Variants in EBF1 observed in about 807,000 individuals in gnomAD.
EBF1 encodes EBF transcription factor 1, also known as transcription factor COE1.
EBF1 carries 10 observed loss-of-function variants against 68.4 expected under a neutral mutation model. That is an observed-to-expected ratio of 0.15 (90% CI 0.09 to 0.25). EBF1 has a LOEUF of 0.25. EBF1 is among the 10% of genes least tolerant of loss of function. The pLI is 1.00. For synonymous variants in EBF1, 298 were observed against 299.8 expected, an observed-to-expected ratio of 0.99 and a Z score of 0.06; for missense variants, 509 against 794.4, an observed-to-expected ratio of 0.64 and a Z score of 4.32.
chr5:158,760,308 A>G (rs1771128014), intron 10 of EBF1, among the ~76,000 whole-genome samples: 1 of 152,216 alleles, frequency 6.6e-6, no homozygotes. Flanking sequence ...CCAACGTGGC[A>G]TAAGTGTATT....
rs562841051 is a variant in EBF1, at chr5:158,797,655, G to A, written c.779-1180C>T. Among the ~76,000 whole-genome samples, 3 of 152,162 alleles carry A rather than the reference G, an allele frequency of 2.0e-5. No homozygotes were observed. In the South Asian group the frequency reaches 6.2e-4, roughly 31 times the overall value. On this transcript the variant is annotated intron_variant, in intron 8 of 15. Transcript: ENST00000313708. ...TTGCAAGAAGGAAAGAAAATATTAA[G>A]TCCAGCCCGGTGGGACCATTGCTCA...
At chr5:158,866,993 G>T (rs1796043465) in intron 6 of EBF1, among the ~76,000 whole-genome samples, 1 of 151,044 alleles carries the variant, frequency 6.6e-6, no homozygotes, top group Non-Finnish European at 1.5e-5. Flanking sequence ...GAATAAATAT[G>T]ATGCATAATT....
intron 6 of EBF1, among the ~76,000 whole-genome samples, chr5:159,028,397 G>A (rs1768116318): frequency 6.6e-6 from 1 of 152,120 alleles, no homozygotes; most frequent in Non-Finnish European, 1.5e-5. Context: ...AATTGTAATG[G>A]TACCGTACTA....
At chr5:158,699,428 G>A (rs916852841) in intron 15 of EBF1, among the ~76,000 whole-genome samples, 4 of 151,300 alleles carry the variant, frequency 2.6e-5, no homozygotes, top group Non-Finnish European at 4.5e-5. Context: ...CTGGAAAGTT[G>A]CATAGTTTGA....
At chr5:158,868,873 A>G (rs1049045362) in intron 6 of EBF1, among the ~76,000 whole-genome samples, 4 of 152,370 alleles carry the variant, frequency 2.6e-5, no homozygotes, top group Admixed American at 2.6e-4. Flanking sequence ...TGTTGAAAGC[A>G]TTAACTTTTA....
chr5:158,827,376 C>T (rs1234652082), intron 7 of EBF1, among the ~76,000 whole-genome samples: 3 of 152,132 alleles, frequency 2.0e-5, no homozygotes, highest in Admixed American at 6.5e-5. Context: ...GCATGAATTG[C>T]GGTTTTCATT....
At chr5:159,096,538 C>G in intron 2 of EBF1, 132 bp from the exon 3 acceptor site, 1 of 987,682 alleles carries the variant, frequency 1.0e-6, no homozygotes, top group Non-Finnish European at 1.5e-6. Context: ...ACGGTAGCAG[C>G]AGAAATTGTG....
At chr5:158,877,718 T>A (rs967350023) in intron 6 of EBF1, among the ~76,000 whole-genome samples, 1 of 141,286 alleles carries the variant, frequency 7.1e-6, no homozygotes, top group Non-Finnish European at 1.6e-5. Context: ...ACACACACAC[T>A]TTCCAATTGG....
At chr5:159,004,958 G>C (rs118046323) in intron 6 of EBF1, among the ~76,000 whole-genome samples, 3 of 152,304 alleles carry the variant, frequency 2.0e-5, no homozygotes, top group East Asian at 3.9e-4. Context: ...ATAAAAACCA[G>C]TTGTGAGGAA....
intron 6 of EBF1, among the ~76,000 whole-genome samples, chr5:158,904,197 A>C (rs1342660591): frequency 6.6e-6 from 1 of 152,154 alleles, no homozygotes; most frequent in Non-Finnish European, 1.5e-5. Flanking sequence ...CTGGAGCCTC[A>C]ATTTCCACAT....
intron 6 of EBF1, among the ~76,000 whole-genome samples, chr5:158,923,905 T>C (rs1249036945): frequency 6.6e-6 from 1 of 152,210 alleles, no homozygotes; most frequent in Non-Finnish European, 1.5e-5. Flanking sequence ...GTTTACTGCC[T>C]CTTTCTTTTA....
At chr5:158,759,283 C>A (rs10073401) in intron 10 of EBF1, among the ~76,000 whole-genome samples, 1 of 152,292 alleles carries the variant, frequency 6.6e-6, no homozygotes. Flanking sequence ...CCCCTCTATT[C>A]GCCTTTATTG....
intron 6 of EBF1, among the ~76,000 whole-genome samples, chr5:158,999,218 C>T (rs945607072): frequency 6.6e-6 from 1 of 152,072 alleles, no homozygotes; most frequent in African/African-American, 2.4e-5. Flanking sequence ...GTATAATGCC[C>T]CAAAAACAGA....
At chr5:158,750,935 G>A (rs1054815650) in intron 10 of EBF1, among the ~76,000 whole-genome samples, 5 of 151,970 alleles carry the variant, frequency 3.3e-5, no homozygotes, top group African/African-American at 1.2e-4. Context: ...AATAGTGAAT[G>A]GATAAATAAA....
intron 6 of EBF1, among the ~76,000 whole-genome samples, chr5:159,051,420 C>CG (rs1561890467): frequency 8.4e-6 from 1 of 118,634 alleles, no homozygotes; most frequent in African/African-American, 3.2e-5. Context: ...CCCTCCCCCC[C>CG]GCTCCCGCAG....
rs1048604911 is a variant in EBF1 at position 158,698,297 on chromosome 5, C to T, written c.*814G>A. On this transcript the variant is annotated 3_prime_UTR_variant, in exon 16 of 16. Coordinates refer to ENST00000313708, the MANE Select transcript of EBF1 (RefSeq NM_024007.5). ...TGCCACCAAGCTCTCGAGAGGCCAT[C>T]GGCTTCAGAAGAAACTGACTTAAGT... 5.4e-5 allele frequency: 12 copies of T among 221,740 alleles called. No homozygotes were observed. The highest frequency in any genetic ancestry group is 9.0e-5 in the Non-Finnish European group (10 of 110,828). The allele number at this position is 221,740 out of a possible 1,614,324, so 13.7% of individuals were successfully genotyped here.
At chr5:158,859,027 G>A (rs1028929342) in intron 6 of EBF1, among the ~76,000 whole-genome samples, 39 of 152,074 alleles carry the variant, frequency 2.6e-4, no homozygotes, top group African/African-American at 7.5e-4. Flanking sequence ...GACTTTCACC[G>A]CAATCATTGC....
At chr5:158,764,626 G>A (rs933417924) in intron 10 of EBF1, among the ~76,000 whole-genome samples, 4 of 152,178 alleles carry the variant, frequency 2.6e-5, no homozygotes, top group Non-Finnish European at 5.9e-5. Context: ...AATTCAGATT[G>A]TATCAGCTGG....
intron 11 of EBF1, among the ~76,000 whole-genome samples, chr5:158,714,922 T>C (rs1434745087): frequency 1.3e-5 from 2 of 152,160 alleles, no homozygotes; most frequent in Non-Finnish European, 2.9e-5. Context: ...AGGAAAAATA[T>C]CTCCCTCTTT....
Sources: allele counts gnomAD v4.1 joint callset (sites outside exome capture counted in the v4.1 genomes callset), GRCh38; gene constraint gnomAD v4.1.1; transcripts MANE v1.5; gene names NCBI Gene and HGNC (gene_info 2026-07-23, HGNC 2026-07-21).